The following KIAA1217 variants were observed in gnomAD, a reference collection of about 807,000 sequenced individuals.
The protein encoded by KIAA1217 is KIAA1217.
Under a neutral mutation model 163.9 loss-of-function variants are expected in KIAA1217, and 88 were observed. The observed-to-expected ratio is 0.54, with a 90% CI of 0.45 to 0.64. The LOEUF (loss-of-function observed/expected upper bound fraction) is 0.64, where lower values mean the gene tolerates loss of function less well. Ranked by LOEUF, KIAA1217 falls within the 30% of genes least tolerant of loss-of-function variation. The probability of loss-of-function intolerance (pLI) is 0.00; values close to 1 mark genes in which losing one functional copy is unlikely to be tolerated. For synonymous variants in KIAA1217, 903 were observed against 923.1 expected (o/e 0.98, Z 0.39); for missense variants, 2,372 against 2,475.0 (o/e 0.96, Z 0.88).
intron 5 of KIAA1217, among the ~76,000 whole-genome samples, chr10:24,461,667 A>G (rs1167081582): frequency 1.3e-5 from 2 of 152,172 alleles, no homozygotes; most frequent in Admixed American, 1.3e-4. Flanking sequence ...TATAGCATAA[A>G]ATTCTACACA....
chr10:24,049,823 G>A lies in KIAA1217; in HGVS notation c.-171+42449G>A, dbSNP rs142473907. ...TTTATAATCGTTTGGGTTTATACCCGGTAATGGGATTGCTGGGTCAAATGG... is the reference window on the plus strand; with the variant it reads ...TTTATAATCGTTTGGGTTTATACCCAGTAATGGGATTGCTGGGTCAAATGG... On this transcript the variant is annotated intron_variant, in intron 2 of 18. Transcript: ENST00000376462. Among the ~76,000 whole-genome samples the A allele has an allele frequency of 2.8e-3, 427 of 152,156 alleles. 3 individuals carry two copies. The highest frequency in any genetic ancestry group is 9.6e-3 in the African/African-American group (399 of 41,506).
At chr10:24,466,876 T>C (rs982814348) in intron 5 of KIAA1217, 1 of 767,642 alleles carries the variant, frequency 1.3e-6, no homozygotes, top group African/African-American at 1.9e-5. Context: ...TGTGGTCTGA[T>C]TGAGTGGTAT....
At chr10:24,234,618 C>T (rs1009528474) in intron 2 of KIAA1217, among the ~76,000 whole-genome samples, 7 of 143,744 alleles carry the variant, frequency 4.9e-5, no homozygotes, top group East Asian at 2.0e-4. Context: ...GAGATCATGC[C>T]GCTGCACTCC....
intron 1 of KIAA1217, among the ~76,000 whole-genome samples, chr10:23,726,067 G>A (rs1047889021): frequency 6.6e-6 from 1 of 152,084 alleles, no homozygotes; most frequent in African/African-American, 2.4e-5. Flanking sequence ...TATGGTGTTT[G>A]CAACTTTTTT....
At chr10:24,434,157 C>T (rs1389146590) in intron 4 of KIAA1217, among the ~76,000 whole-genome samples, 1 of 151,724 alleles carries the variant, frequency 6.6e-6, no homozygotes, top group Non-Finnish European at 1.5e-5. Context: ...CTGCCTCAGC[C>T]TCCCAAGTAG....
At chr10:24,239,701 G>T (rs1448048371) in intron 2 of KIAA1217, among the ~76,000 whole-genome samples, 1 of 149,946 alleles carries the variant, frequency 6.7e-6, no homozygotes, top group South Asian at 2.1e-4. Context: ...GTGTGTTTGT[G>T]TGTGTGTGTG....
intron 3 of KIAA1217, among the ~76,000 whole-genome samples, chr10:24,422,768 AG>A (rs142470937): frequency 0.07 from 10,729 of 152,214 alleles, 465 homozygotes; most frequent in East Asian, 0.13. Flanking sequence ...AACAAAACAA[AG>A]TTAAAGGGGT....
intron 1 of KIAA1217, among the ~76,000 whole-genome samples, chr10:23,916,094 A>G (rs1480386556): frequency 6.6e-6 from 1 of 152,186 alleles, no homozygotes; most frequent in Non-Finnish European, 1.5e-5. Context: ...CTCCGGTTGC[A>G]TATGCCACAG....
At chr10:24,100,748 G>A (rs1564701887) in intron 2 of KIAA1217, among the ~76,000 whole-genome samples, 2 of 152,102 alleles carry the variant, frequency 1.3e-5, no homozygotes, top group Non-Finnish European at 1.5e-5. Context: ...TAGTATGACT[G>A]CAGTTTTTAT....
At chr10:23,716,536 G>A (rs1837580598) in intron 1 of KIAA1217, among the ~76,000 whole-genome samples, 1 of 152,056 alleles carries the variant, frequency 6.6e-6, no homozygotes, top group Non-Finnish European at 1.5e-5. Flanking sequence ...GTCTTTCCTT[G>A]AATAAAATTA....
intron 2 of KIAA1217, among the ~76,000 whole-genome samples, chr10:24,256,267 G>A (rs1244667531): frequency 6.6e-6 from 1 of 151,676 alleles, no homozygotes. Context: ...GGAGCCCATA[G>A]TGGCAATCCT....
At chr10:24,411,351 G>A (rs1274104034) in intron 3 of KIAA1217, among the ~76,000 whole-genome samples, 1 of 152,074 alleles carries the variant, frequency 6.6e-6, no homozygotes, top group African/African-American at 2.4e-5. Flanking sequence ...CAATTGCAAG[G>A]AAGGTATACT....
In KIAA1217 at chr10:24,547,232, T is replaced by TA; in HGVS notation, c.*909dup. The stretch of plus-strand genomic sequence containing the variant: ...CGAAAAACTTTTGTAAATATATAAA[T>TA]ATACATAGACATAAAAATACTGTAT... On this transcript the variant is annotated 3_prime_UTR_variant, in exon 21 of 21. Transcript: ENST00000376454. 1 of 152,680 alleles carries TA rather than the reference T, an allele frequency of 6.5e-6. No individual in the cohort carries two copies. 9.5% of individuals were successfully genotyped at this position (152,680 alleles called of 1,614,324 possible).
At chr10:23,838,443 T>C (rs1838598927) in intron 1 of KIAA1217, among the ~76,000 whole-genome samples, 1 of 151,794 alleles carries the variant, frequency 6.6e-6, no homozygotes, top group African/African-American at 2.4e-5. Context: ...GACTTATGTT[T>C]ATTGACAACT....
intron 5 of KIAA1217, 39 bp downstream of exon 5, chr10:24,438,518 G>A: frequency 7.4e-7 from 1 of 1,349,564 alleles, no homozygotes; most frequent in Non-Finnish European, 1.1e-6. Flanking sequence ...TCTTCAGTGG[G>A]TCAAAGCGTC....
intron 1 of KIAA1217, among the ~76,000 whole-genome samples, chr10:23,933,981 G>T (rs117595607): frequency 0.019 from 2,948 of 152,280 alleles, 56 homozygotes; most frequent in Admixed American, 0.063. Flanking sequence ...ACAGTATAGT[G>T]ATTCTTCAAG....
At chr10:24,011,917 A>G (rs1480507831) in intron 2 of KIAA1217, among the ~76,000 whole-genome samples, 1 of 152,176 alleles carries the variant, frequency 6.6e-6, no homozygotes, top group Admixed American at 6.5e-5. Flanking sequence ...ATCTGTGAAG[A>G]TGTTTCATGT....
intron 2 of KIAA1217, among the ~76,000 whole-genome samples, chr10:24,347,909 T>C (rs1032026560): frequency 3.9e-5 from 6 of 152,218 alleles, no homozygotes; most frequent in Non-Finnish European, 8.8e-5. Flanking sequence ...TCACCACACA[T>C]GGTTACCATC....
At chr10:24,502,210 A>T (rs1207164087) in intron 9 of KIAA1217, among the ~76,000 whole-genome samples, 1 of 148,860 alleles carries the variant, frequency 6.7e-6, no homozygotes, top group African/African-American at 2.5e-5. Flanking sequence ...CTCCACACTG[A>T]ACGGGGACAA....
Sources: allele counts gnomAD v4.1 joint callset (sites outside exome capture counted in the v4.1 genomes callset), GRCh38; gene constraint gnomAD v4.1.1; transcripts MANE v1.5; gene names NCBI Gene and HGNC (gene_info 2026-07-23, HGNC 2026-07-21).